Variants in PDS5B observed in about 807,000 individuals in gnomAD.
PDS5B encodes PDS5 cohesin associated factor B.
In PDS5B, 51 loss-of-function variants were observed where a neutral mutation model predicts 184.1. The observed-to-expected ratio is 0.28, with a 90% CI of 0.22 to 0.35. PDS5B has a LOEUF of 0.35. PDS5B is among the 10% of genes least tolerant of loss of function. The pLI is 1.00. For missense variants in PDS5B, 1,180 were observed against 1,723.3 expected, an observed-to-expected ratio of 0.68 and a Z score of 5.58; for synonymous variants, 566 against 569.2, an observed-to-expected ratio of 0.99 and a Z score of 0.08.
chr13:32,623,300 C>A (rs1323402596), intron 1 of PDS5B, among the ~76,000 whole-genome samples: 1 of 152,082 alleles, frequency 6.6e-6, no homozygotes, highest in East Asian at 1.9e-4. Flanking sequence ...CTACATGATT[C>A]CTGATCAGCA....
rs1952157274 is a variant in PDS5B at position 32,710,077 on chromosome 13, A to C, written c.2094A>C (p.Lys698Asn). The C allele has an allele frequency of 6.5e-7, 1 of 1,532,668 alleles. No homozygotes were observed. The highest frequency in any genetic ancestry group is 8.9e-7 in the Non-Finnish European group (1 of 1,128,008). 94.9% of individuals were successfully genotyped at this position (1,532,668 alleles called of 1,614,324 possible). ...AAATTTTCAAAAACACAGGAAGCAA[A>C]ATTGAAGAGGATTTTCCACACATCA... ...ALQIFKNTGS[K>N]IEEDFPHIRS... The change falls in exon 19 of 35, where the codon AAA (lysine) becomes AAC (asparagine). Residue 698 changes from lysine (K) to asparagine (N), a missense_variant. Around this residue, in one of 11 missense-constraint regions of PDS5B, gnomAD observed 475 missense variants for 691.5 expected, o/e 0.69. Transcript: ENST00000315596.
intron 17 of PDS5B, among the ~76,000 whole-genome samples, chr13:32,704,159 G>A (rs1951939994): frequency 1.3e-5 from 2 of 151,710 alleles, no homozygotes; most frequent in South Asian, 4.2e-4. Context: ...GTGTAAGGTG[G>A]ACATAGAGAC....
intron 1 of PDS5B, among the ~76,000 whole-genome samples, chr13:32,640,918 G>T (rs1371180638): frequency 6.6e-6 from 1 of 151,846 alleles, no homozygotes; most frequent in Admixed American, 6.6e-5. Context: ...TTAGCCAGGC[G>T]TGGTGGCGAG....
At chr13:32,672,717 T>C (rs1296666889) in intron 7 of PDS5B, among the ~76,000 whole-genome samples, 4 of 152,180 alleles carry the variant, frequency 2.6e-5, no homozygotes, top group Non-Finnish European at 5.9e-5. Flanking sequence ...GAATTCACTT[T>C]CCTTTGCCTT....
chr13:32,645,421 GACTC>G (rs1269347527), intron 1 of PDS5B, among the ~76,000 whole-genome samples: 1 of 152,152 alleles, frequency 6.6e-6, no homozygotes, highest in East Asian at 1.9e-4. Context: ...TATTTGACAG[GACTC>G]ACTAGTAAAG....
intron 2 of PDS5B, among the ~76,000 whole-genome samples, chr13:32,651,468 C>CTCCTTTTAG (rs1267150135): frequency 6.6e-6 from 1 of 152,188 alleles, no homozygotes; most frequent in Admixed American, 6.5e-5. Context: ...TAAGGACATA[C>CTCCTTTTAG]TCCTTTTAGT....
chr13:32,731,831 G>A (rs1205435845), intron 19 of PDS5B, among the ~76,000 whole-genome samples: 2 of 152,138 alleles, frequency 1.3e-5, no homozygotes, highest in East Asian at 3.8e-4. Context: ...GTTGGGAGCG[G>A]CGTTAACAGG....
intron 14 of PDS5B, among the ~76,000 whole-genome samples, chr13:32,694,654 A>G (rs1176503823): frequency 6.6e-6 from 1 of 151,930 alleles, no homozygotes; most frequent in Admixed American, 6.6e-5. Context: ...GATGTTCCCT[A>G]CTTTTTTGTA....
chr13:32,754,229 A>G (rs568078112), intron 25 of PDS5B, among the ~76,000 whole-genome samples: 1 of 152,170 alleles, frequency 6.6e-6, no homozygotes, highest in South Asian at 2.1e-4. Context: ...TCACATTGCT[A>G]TCAAAATTAT....
At chr13:32,612,878 A>G (rs1356733012) in intron 1 of PDS5B, among the ~76,000 whole-genome samples, 1 of 152,196 alleles carries the variant, frequency 6.6e-6, no homozygotes, top group Non-Finnish European at 1.5e-5. Context: ...TTCATTATGA[A>G]TTACCCAGAC....
intron 1 of PDS5B, among the ~76,000 whole-genome samples, chr13:32,639,955 A>G (rs2058629542): frequency 6.6e-6 from 1 of 152,176 alleles, no homozygotes; most frequent in Non-Finnish European, 1.5e-5. Context: ...TTATTTGTTG[A>G]TTTGGATGCC....
rs778815561 is a variant in PDS5B at position 32,667,669 on chromosome 13, T to C, written c.625-95T>C. ...TTTATTCCAATTGAGTCTTAGTTTT[T>C]TCATTCATTTACTCAAGTAGCATTT... On this transcript the variant is annotated intron_variant, in intron 6 of 34. Transcript: ENST00000315596. 5.9e-5 allele frequency: 43 copies of C among 723,824 alleles called. No individual in the cohort carries two copies. The Middle Eastern group carries it at 1.2e-3, about 20-fold the overall frequency. 44.8% of individuals were successfully genotyped at this position (723,824 alleles called of 1,614,324 possible).
intron 29 of PDS5B, among the ~76,000 whole-genome samples, chr13:32,760,270 T>A (rs1044548864): frequency 1.3e-5 from 2 of 152,344 alleles, no homozygotes; most frequent in Non-Finnish European, 2.9e-5. Flanking sequence ...AGCATATTCT[T>A]ATGTCTTTCC....
chr13:32,719,685 C>T (rs73452709), intron 19 of PDS5B, among the ~76,000 whole-genome samples: 2 of 151,586 alleles, frequency 1.3e-5, no homozygotes, highest in Non-Finnish European at 2.9e-5. Flanking sequence ...AGATAAAAGC[C>T]AAAATCATGA....
At chr13:32,716,090 G>T (rs1322286448) in intron 19 of PDS5B, among the ~76,000 whole-genome samples, 1 of 151,990 alleles carries the variant, frequency 6.6e-6, no homozygotes, top group Non-Finnish European at 1.5e-5. Flanking sequence ...ACCCCGTCTG[G>T]GAAGTGAGGA....
chr13:32,755,825 TTTG>T lies in PDS5B; in HGVS notation c.2942-14_2942-12del, dbSNP rs774983064. On this transcript the variant is annotated splice_polypyrimidine_tract_variant and intron_variant, in intron 25 of 34. Transcript: ENST00000315596. ...TCTTTTGTTTTTTTTTGTTTGTTTG[TTTG>T]TTTTCTTTTTCAGAAAAATTATTGT... 4.4e-5 allele frequency: 50 copies of T among 1,127,052 alleles called. No individual in the cohort carries two copies. The Admixed American group carries it at 7.9e-4, about 18-fold the overall frequency. 69.8% of individuals were successfully genotyped at this position (1,127,052 alleles called of 1,614,324 possible). A position where few individuals can be genotyped will look rare whatever the true frequency, so the allele number is the denominator to read the frequency against.
rs1330458985 is a variant in PDS5B at position 32,758,524 on chromosome 13, A to G, written c.3190-10A>G. 2.1e-5 allele frequency: 34 copies of G among 1,603,646 alleles called. No homozygotes were observed. Among genetic ancestry groups the G allele is most frequent in the East Asian group, 4.5e-5 (2 of 44,800 alleles). ...TAAGTATCTGTGTTTTTAAAAATAT[A>G]CTATTGCAGAAACTGTACACTGTGT... On this transcript the variant is annotated splice_polypyrimidine_tract_variant and intron_variant, in intron 27 of 34. Transcript: ENST00000315596.
chr13:32,635,429 C>T (rs1423610969), intron 1 of PDS5B, among the ~76,000 whole-genome samples: 12 of 148,712 alleles, frequency 8.1e-5, no homozygotes, highest in African/African-American at 1.7e-4. Flanking sequence ...CTACAACCTC[C>T]GCCTCCCGGG....
intron 8 of PDS5B, 25 bp downstream of exon 8, chr13:32,673,381 C>T: frequency 6.3e-7 from 1 of 1,581,622 alleles, no homozygotes; most frequent in Non-Finnish European, 8.6e-7. Flanking sequence ...TAATATGATT[C>T]TACCAACCAA....
Sources: allele counts gnomAD v4.1 joint callset (sites outside exome capture counted in the v4.1 genomes callset), GRCh38; gene constraint gnomAD v4.1.1; regional missense constraint gnomAD v4.1.1; transcripts MANE v1.5; gene names NCBI Gene and HGNC (gene_info 2026-07-23, HGNC 2026-07-21).